TALDO1: variants seen among roughly 807,000 people sequenced by gnomAD.
TALDO1 encodes the protein transaldolase 1.
Under a neutral mutation model 38.1 loss-of-function variants are expected in TALDO1, and 29 were observed. The observed-to-expected ratio is 0.76, with a 90% confidence interval of 0.57 to 1.04. The LOEUF is 1.04. Ranked by LOEUF, TALDO1 falls within the 50% of genes least tolerant of loss-of-function variation. The pLI is 0.00. For missense variants in TALDO1, 499 were observed against 438.1 expected, an observed-to-expected ratio of 1.14 and a Z score of -1.24; for synonymous variants, 207 against 176.8, an observed-to-expected ratio of 1.17 and a Z score of -1.36.
chr11:763,940 G>A lies in TALDO1; in HGVS notation c.831G>A (p.Lys277=), dbSNP rs374831660. 1.3e-5 allele frequency: 21 copies of A among 1,608,030 alleles called. No homozygotes were observed. The highest frequency in any genetic ancestry group is 4.0e-5 in the African/African-American group (3 of 74,928). The part of the protein sequence containing the change: ...NAKLVPVLSA[K]AAQASDLEKI... ...AGCTGGTGCCTGTGCTCTCAGCCAA[G>A]GCGGGTGAGGCCCCACTGCCCAGCT... is the stretch of plus-strand genomic sequence containing the variant. Residue 277 remains lysine (K), a synonymous_variant, in exon 6 of 8, where the codon AAG becomes AAA. Coordinates refer to ENST00000319006, the MANE Select transcript of TALDO1 (RefSeq NM_006755.2).
chr11:752,820 T>A (rs1238123427), intron 1 of TALDO1, among the ~76,000 whole-genome samples: 1 of 152,180 alleles, frequency 6.6e-6, no homozygotes, highest in Admixed American at 6.6e-5. Flanking sequence ...TAATTCAAGT[T>A]GACAACCCCA....
At chr11:758,459 A>G (rs145598869) in intron 2 of TALDO1, among the ~76,000 whole-genome samples, 1 of 151,952 alleles carries the variant, frequency 6.6e-6, no homozygotes, top group African/African-American at 2.4e-5. Context: ...AAAAAAAAGG[A>G]TAAGATGGGA....
At chr11:756,171 T>C in intron 2 of TALDO1, 169 bp downstream of exon 2, 1 of 944,698 alleles carries the variant, frequency 1.1e-6, no homozygotes, top group Non-Finnish European at 1.5e-6. Flanking sequence ...CTGCATGAAG[T>C]AACCTGCACC....
At position 764,875 on chromosome 11, in the gene TALDO1, C is replaced by T. The variant is rs200971004; in HGVS notation, c.*30C>T. ...TCCCTGAGGCTGGACTCCAGATCTG[C>T]ACCGCCGGCCAGCTGGGATCTGACT... On this transcript the variant is annotated 3_prime_UTR_variant, in exon 8 of 8. Transcript: ENST00000319006. 1,298 of 1,613,840 alleles carry T rather than the reference C, an allele frequency of 8.0e-4. No individual in the cohort carries two copies. The highest frequency in any genetic ancestry group is 1.0e-3 in the Non-Finnish European group (1,200 of 1,180,034).
chr11:763,352 A>T lies in TALDO1; in HGVS notation c.470A>T (p.Glu157Val). 3 of 1,599,190 alleles carry T rather than the reference A, an allele frequency of 1.9e-6. No individual in the cohort carries two copies. The highest frequency in any genetic ancestry group is 2.6e-6 in the Non-Finnish European group (3 of 1,173,368). The part of the protein sequence containing the change: ...WEGIQAGKEL[E>V]EQHGIHCNMT... ...CTGTCCCCGCCCCGCAGGGAGCTCG[A>T]GGAGCAGCACGGCATCCACTGCAAC... The change falls in exon 5 of 8, where the codon GAG becomes GTG. Residue 157 changes from glutamate to valine, a missense_variant. Glu to Val is a moderately radical substitution (Grantham distance 121). Transcript: ENST00000319006.
intron 1 of TALDO1, 88 bp from the exon 2 acceptor site, chr11:755,791 G>A (rs576457909): frequency 9.2e-5 from 148 of 1,600,238 alleles, no homozygotes; most frequent in Non-Finnish European, 1.1e-4. Context: ...CTCCCCTAAC[G>A]TCCTGGGGAA....
At chr11:749,451 T>A (rs925823466) in intron 1 of TALDO1, among the ~76,000 whole-genome samples, 5 of 152,216 alleles carry the variant, frequency 3.3e-5, no homozygotes, top group Middle Eastern at 3.4e-3. Flanking sequence ...ACATTTTTTT[T>A]TAATGAATAT....
chr11:764,828 G>A lies in TALDO1; in HGVS notation c.997G>A (p.Ala333Thr). The A allele has an allele frequency of 6.2e-7, 1 of 1,614,178 alleles. No homozygotes were observed. The highest frequency in any genetic ancestry group is 1.7e-4 in the Middle Eastern group (1 of 6,038). The change falls in exon 8 of 8, where the codon GCA becomes ACA. Residue 333 changes from alanine (A) to threonine (T), a missense_variant. Physicochemically the swap from Ala to Thr is moderately conservative, Grantham distance 58. Transcript: ENST00000319006. ...ERMLTERMFNAENGK is the reference protein window; with the variant it reads ...ERMLTERMFNTENGK The stretch of plus-strand genomic sequence containing the variant: ...TTGTTTCTAGGAACGAATGTTCAAT[G>A]CAGAGAATGGAAAGTAGCGCATCCC...
intron 2 of TALDO1, 31 bp downstream of exon 2, chr11:756,033 T>G: frequency 6.2e-7 from 1 of 1,605,352 alleles, no homozygotes; most frequent in South Asian, 1.1e-5. Flanking sequence ...GGGTCCCAGC[T>G]AGGCCCTCGT....
intron 1 of TALDO1, among the ~76,000 whole-genome samples, chr11:753,029 C>T (rs542733895): frequency 8.5e-5 from 13 of 152,116 alleles, no homozygotes; most frequent in Non-Finnish European, 1.6e-4. Context: ...GGGAGAAACC[C>T]CCACACATCG....
intron 2 of TALDO1, 116 bp from the exon 3 acceptor site, chr11:758,834 T>C: frequency 1.4e-6 from 1 of 691,508 alleles, no homozygotes; most frequent in Non-Finnish European, 2.6e-6. Flanking sequence ...CTTGATCTCC[T>C]GACCTCATGA....
At chr11:760,100 T>A (rs774122236) in intron 3 of TALDO1, 22 bp from the exon 4 acceptor site, 3 of 1,613,290 alleles carry the variant, frequency 1.9e-6, no homozygotes, top group African/African-American at 1.3e-5. Context: ...TCTGAGGGGA[T>A]GGGTTCTTCT....
intron 3 of TALDO1, among the ~76,000 whole-genome samples, chr11:759,375 C>T (rs905070685): frequency 1.3e-5 from 2 of 152,112 alleles, no homozygotes; most frequent in African/African-American, 4.8e-5. Flanking sequence ...GTTTCTCTGC[C>T]TCAGCCTCCC....
chr11:760,381 AG>A, intron 4 of TALDO1, 128 bp downstream of exon 4: 1 of 1,429,536 alleles, frequency 7.0e-7, no homozygotes, highest in Non-Finnish European at 9.6e-7. Flanking sequence ...CACAGCCCAC[AG>A]CTTGGACTTG....
chr11:762,965 C>T (rs1486465894), intron 4 of TALDO1, among the ~76,000 whole-genome samples: 1 of 152,130 alleles, frequency 6.6e-6, no homozygotes, highest in Non-Finnish European at 1.5e-5. Context: ...CGGCCTGGCG[C>T]AAGAGCACGG....
At position 747,527 on chromosome 11, in the gene TALDO1, G is replaced by T; in HGVS notation, c.46G>T (p.Asp16Tyr). The change falls in exon 1 of 8, where the codon GAC (aspartate) becomes TAC (tyrosine). Residue 16 changes from aspartate (D) to tyrosine (Y), a missense_variant. Transcript: ENST00000319006. ...GCGTCAGAGGATGGAGTCCGCGCTG[G>T]ACCAGCTCAAGCAGTTCACCACCGT... ...VKRQRMESALDQLKQFTTVVA... is the reference protein window; with the variant it reads ...VKRQRMESALYQLKQFTTVVA... The T allele has an allele frequency of 6.2e-7, 1 of 1,600,206 alleles. No individual in the cohort carries two copies. The highest frequency in any genetic ancestry group is 8.5e-7 in the Non-Finnish European group (1 of 1,175,028).
chr11:763,859 T>G lies in TALDO1; in HGVS notation c.750T>G (p.Cys250Trp), dbSNP rs1186385979. The G allele has an allele frequency of 6.2e-7, 1 of 1,613,816 alleles. No homozygotes were observed. Among genetic ancestry groups the G allele is most frequent in the Non-Finnish European group, 8.5e-7 (1 of 1,180,026 alleles). Residue 250 changes from cysteine to tryptophan, a missense_variant, in exon 6 of 8, where the codon TGT becomes TGG. Cys to Trp is a radical substitution (Grantham distance 215, BLOSUM62 -2). Transcript: ENST00000319006. ...GCGAGATCAAAGCACTGGCCGGCTG[T>G]GACTTCCTCACCATCTCACCCAAGC... ...NTGEIKALAG[C>W]DFLTISPKLL...
rs374342885 is a variant in TALDO1, at chr11:755,188, A to G, written c.98-691A>G. Among the ~76,000 whole-genome samples, 11 of 115,140 alleles carry G rather than the reference A, an allele frequency of 9.6e-5. No individual in the cohort carries two copies. In the East Asian group the frequency reaches 2.2e-3, roughly 23 times the overall value. The allele number at this position is 115,140 out of a possible 152,430, so 75.5% of individuals were successfully genotyped here. On this transcript the variant is annotated intron_variant, in intron 1 of 7. Transcript: ENST00000319006. ...GAGATGGAGTCTCACTCTGTCACCC[A>G]TGCTGGAGTGCAGTGGCGCGATCTC... is the stretch of plus-strand genomic sequence containing the variant.
chr11:763,660 A>G (rs1339069750), intron 5 of TALDO1, 87 bp from the exon 6 acceptor site: 12 of 1,572,484 alleles, frequency 7.6e-6, no homozygotes, highest in Non-Finnish European at 1.0e-5. Context: ...TGGCGGCTCA[A>G]GGTAGTGCAG....
Sources: allele counts gnomAD v4.1 joint callset (sites outside exome capture counted in the v4.1 genomes callset), GRCh38; gene constraint gnomAD v4.1.1; transcripts MANE v1.5; gene names NCBI Gene and HGNC (gene_info 2026-07-23, HGNC 2026-07-21).